ADAM10: variants seen among roughly 807,000 people sequenced by gnomAD.
The protein encoded by ADAM10 is ADAM metallopeptidase domain 10, also known as disintegrin and metalloproteinase domain-containing protein 10.
Under a neutral mutation model 90.1 loss-of-function variants are expected in ADAM10, and 17 were observed. The observed-to-expected ratio is 0.19, with a 90% CI of 0.13 to 0.28. The LOEUF (loss-of-function observed/expected upper bound fraction) is 0.28. Among genes scored for constraint, ADAM10 ranks in the 10% least tolerant of loss-of-function variants. The pLI is 1.00. For missense variants in ADAM10, 610 were observed against 914.3 expected (o/e 0.67, Z 4.29); for synonymous variants, 310 against 298.6 (o/e 1.04, Z -0.40).
intron 1 of ADAM10, among the ~76,000 whole-genome samples, chr15:58,739,719 T>C (rs1248479772): frequency 6.6e-6 from 1 of 152,234 alleles, no homozygotes; most frequent in African/African-American, 2.4e-5. Context: ...TTGAGGGTTC[T>C]GATAATATGC....
At chr15:58,689,077 A>T (rs1052435971) in intron 2 of ADAM10, among the ~76,000 whole-genome samples, 1 of 152,218 alleles carries the variant, frequency 6.6e-6, no homozygotes, top group African/African-American at 2.4e-5. Context: ...ACACACAAAG[A>T]AAAACCCACA....
rs539226629 is a variant in ADAM10 at position 58,717,742 on chromosome 15, C to A, written c.56-15G>T. 5.0e-6 allele frequency: 8 copies of A among 1,601,656 alleles called. No individual in the cohort carries two copies. The highest frequency in any genetic ancestry group is 2.7e-5 in the African/African-American group (2 of 74,658). On this transcript the variant is annotated splice_polypyrimidine_tract_variant and intron_variant, in intron 1 of 15. Transcript: ENST00000260408. ...CCCATACTGACCTATAAAAAAAAAA[C>A]AACATTCTGAATTAGTATCATCTTG...
At chr15:58,631,656 G>C (rs1446350943) in intron 9 of ADAM10, among the ~76,000 whole-genome samples, 2 of 152,174 alleles carry the variant, frequency 1.3e-5, no homozygotes, top group Non-Finnish European at 2.9e-5. Context: ...TGGGACTAAA[G>C]GCCAGACAAG....
chr15:58,688,786 A>ATATATATATATATCTC lies in ADAM10; in HGVS notation c.207-6473_207-6472insGAGATATATATATATA. On this transcript the variant is annotated intron_variant, in intron 2 of 15. Coordinates refer to ENST00000260408, the MANE Select transcript of ADAM10 (RefSeq NM_001110.4). ...AAAAATTATATATATATATATATAT[A>ATATATATATATATCTC]TCTCTCTCTCTCACTGGACTGACTT... 1.2e-3 allele frequency among the ~76,000 whole-genome samples: 144 copies of ATATATATATATATCTC among 122,348 alleles called. 1 individual carries two copies. The highest frequency in any genetic ancestry group is 3.6e-3 in the East Asian group (13 of 3,642). The allele number at this position is 122,348 out of a possible 152,430, so 80.3% of individuals were successfully genotyped here.
Position 58,594,424 on chromosome 15 carries a change from A to G in ADAM10, c.*3123T>C, listed in dbSNP as rs1012317271. 6.6e-6 allele frequency: 1 copy of G among 152,256 alleles called. No homozygotes were observed. Among genetic ancestry groups the G allele is most frequent in the Non-Finnish European group, 1.5e-5 (1 of 68,048 alleles). 9.4% of individuals were successfully genotyped at this position (152,256 alleles called of 1,614,324 possible). On this transcript the variant is annotated 3_prime_UTR_variant, in exon 16 of 16. Transcript: ENST00000260408. The stretch of plus-strand genomic sequence containing the variant: ...CAAATACAAGGACTGAGGGTCGAGT[A>G]GTTTGCTCCGCTTGGACAAATCAGA...
chr15:58,689,847 T>C (rs1897724132), intron 2 of ADAM10, among the ~76,000 whole-genome samples: 1 of 151,090 alleles, frequency 6.6e-6, no homozygotes, highest in Non-Finnish European at 1.5e-5. Flanking sequence ...GGCCAGATGG[T>C]TCCCCTGATG....
chr15:58,678,839 G>A (rs1200595566), intron 4 of ADAM10, among the ~76,000 whole-genome samples: 1 of 152,160 alleles, frequency 6.6e-6, no homozygotes, highest in Non-Finnish European at 1.5e-5. Flanking sequence ...ACTGGCTGAT[G>A]TCAAAATATA....
intron 1 of ADAM10, among the ~76,000 whole-genome samples, chr15:58,726,479 C>A (rs189757756): frequency 7.2e-6 from 1 of 138,344 alleles, no homozygotes; most frequent in East Asian, 2.3e-4. Context: ...GCATGAGAAT[C>A]GCTTAAACGC....
rs575377627 is a variant in ADAM10 at position 58,720,559 on chromosome 15, G to A, written c.56-2832C>T. Among the ~76,000 whole-genome samples, 10 of 151,584 alleles carry A rather than the reference G, an allele frequency of 6.6e-5. No homozygotes were observed. The East Asian group carries it at 1.2e-3, about 18-fold the overall frequency. On this transcript the variant is annotated intron_variant, in intron 1 of 15. Coordinates refer to ENST00000260408, the MANE Select transcript of ADAM10 (RefSeq NM_001110.4). The stretch of plus-strand genomic sequence containing the variant: ...GGAGACTACAGGCACCTGCCACCAC[G>A]CCCGGCTAATTTTTTGTATTTTTAG...
intron 1 of ADAM10, among the ~76,000 whole-genome samples, chr15:58,719,104 G>A (rs1278262474): frequency 1.3e-5 from 2 of 152,054 alleles, no homozygotes; most frequent in African/African-American, 2.4e-5. Flanking sequence ...CAGGTGGATC[G>A]CCTAAGGTCA....
At chr15:58,661,346 G>A (rs557444237) in intron 5 of ADAM10, among the ~76,000 whole-genome samples, 55 of 152,112 alleles carry the variant, frequency 3.6e-4, no homozygotes, top group African/African-American at 1.2e-3. Context: ...AGGTCACCTA[G>A]ACACAAATTC....
At chr15:58,605,179 C>T (rs762831880) in intron 14 of ADAM10, among the ~76,000 whole-genome samples, 1 of 152,200 alleles carries the variant, frequency 6.6e-6, no homozygotes, top group African/African-American at 2.4e-5. Context: ...TTTAGATCAA[C>T]AGATGTATAA....
intron 15 of ADAM10, 56 bp downstream of exon 15, chr15:58,599,542 T>A: frequency 6.3e-7 from 1 of 1,580,334 alleles, no homozygotes; most frequent in Non-Finnish European, 8.7e-7. Flanking sequence ...AATTCAATTC[T>A]ACCTGCTAAA....
intron 10 of ADAM10, among the ~76,000 whole-genome samples, chr15:58,625,012 C>A (rs1432502068): frequency 6.6e-6 from 1 of 152,006 alleles, no homozygotes; most frequent in Non-Finnish European, 1.5e-5. Flanking sequence ...TGTACCTGTA[C>A]ATTAAGAAGC....
rs2140982526 is a variant in ADAM10, at chr15:58,595,231, T to C, written c.*2316A>G. The C allele has an allele frequency of 6.6e-6, 1 of 152,216 alleles. No homozygotes were observed. Among genetic ancestry groups the C allele is most frequent in the East Asian group, 1.9e-4 (1 of 5,180 alleles). 9.4% of individuals were successfully genotyped at this position (152,216 alleles called of 1,614,324 possible). ...GGGTGTTTTAAAAAGGTTTATTGTGTGTACGCAGAGTATCTAACTGGAAAT... is the reference window on the plus strand; with the variant it reads ...GGGTGTTTTAAAAAGGTTTATTGTGCGTACGCAGAGTATCTAACTGGAAAT... On this transcript the variant is annotated 3_prime_UTR_variant, in exon 16 of 16. Coordinates refer to ENST00000260408, the MANE Select transcript of ADAM10 (RefSeq NM_001110.4).
At position 58,635,283 on chromosome 15, in the gene ADAM10, AAAAAAAAAAAG is replaced by A. The variant is rs1189165890; in HGVS notation, c.1013-1935_1013-1925del. Among the ~76,000 whole-genome samples, 141 of 148,934 alleles carry A rather than the reference AAAAAAAAAAAG, an allele frequency of 9.5e-4. 1 individual carries two copies. The highest frequency in any genetic ancestry group is 3.2e-3 in the African/African-American group (132 of 40,798). Reference sequence around the variant, plus strand: ...GAGCAAGACTCTGTCTCAAAAAAAAAAAAAAAAAAAGAAAGAAAGAAAGAAAATACAAATAA... The same window carrying A: ...GAGCAAGACTCTGTCTCAAAAAAAAAAAAGAAAGAAAGAAAATACAAATAA... On this transcript the variant is annotated intron_variant, in intron 8 of 15. Transcript: ENST00000260408.
At chr15:58,681,209 T>C (rs1897431920) in intron 3 of ADAM10, among the ~76,000 whole-genome samples, 1 of 152,190 alleles carries the variant, frequency 6.6e-6, no homozygotes, top group South Asian at 2.1e-4. Context: ...CTAAGTTATT[T>C]GCCCAGAAAG....
At chr15:58,615,701 T>C (rs1895588422) in intron 11 of ADAM10, among the ~76,000 whole-genome samples, 1 of 152,058 alleles carries the variant, frequency 6.6e-6, no homozygotes, top group Non-Finnish European at 1.5e-5. Flanking sequence ...ATAAAACAGA[T>C]TTTAAGTCAA....
intron 11 of ADAM10, among the ~76,000 whole-genome samples, chr15:58,613,709 C>A (rs1284560529): frequency 5.3e-5 from 8 of 151,796 alleles, no homozygotes; most frequent in Non-Finnish European, 1.0e-4. Flanking sequence ...AAGAAAATCT[C>A]TGAACTTCAA....
Sources: allele counts gnomAD v4.1 joint callset (sites outside exome capture counted in the v4.1 genomes callset), GRCh38; gene constraint gnomAD v4.1.1; transcripts MANE v1.5; gene names NCBI Gene and HGNC (gene_info 2026-07-23, HGNC 2026-07-21).